Variants in MYOM2 observed in about 807,000 individuals in gnomAD.
MYOM2 encodes the protein myomesin 2, also known as myomesin-2.
MYOM2 carries 254 observed loss-of-function variants against 187.6 expected under a neutral mutation model. The observed-to-expected ratio is 1.35, with a 90% confidence interval of 1.22 to 1.50. The LOEUF (loss-of-function observed/expected upper bound fraction) is 1.50. Among genes scored for constraint, MYOM2 ranks in the 40% most tolerant of loss-of-function variants. MYOM2 has a pLI of 0.00. For missense variants in MYOM2, 2,796 were observed against 1,924.0 expected (o/e 1.45, Z -8.48); for synonymous variants, 981 against 753.8 (o/e 1.30, Z -4.94).
chr8:2,123,137 G>GT, intron 28 of MYOM2, 115 bp from the exon 29 acceptor site: 1 of 656,122 alleles, frequency 1.5e-6, no homozygotes, highest in Non-Finnish European at 2.6e-6. Flanking sequence ...ACTGTCTATA[G>GT]TAAAAACTAA....
chr8:2,120,504 C>T (rs114401536), intron 28 of MYOM2, among the ~76,000 whole-genome samples: 1,961 of 150,184 alleles, frequency 0.013, 40 homozygotes, highest in African/African-American at 0.045. Flanking sequence ...AGGGGATTTG[C>T]AGGAGGATGG....
At chr8:2,073,824 A>T (rs1421030708) in intron 10 of MYOM2, among the ~76,000 whole-genome samples, 1 of 152,208 alleles carries the variant, frequency 6.6e-6, no homozygotes, top group Non-Finnish European at 1.5e-5. Context: ...ATTCTCAGGG[A>T]ACGTAGCCCG....
In MYOM2 at chr8:2,101,168, A is replaced by G. The variant is rs570261914; in HGVS notation, c.2619+114A>G. On this transcript the variant is annotated intron_variant, in intron 20 of 36. Transcript: ENST00000262113. ...CGAAACCAGCCTGGCCAACATGGAGAAGCCCCGTCTCTACTAAAAATACAA... is the reference window on the plus strand; with the variant it reads ...CGAAACCAGCCTGGCCAACATGGAGGAGCCCCGTCTCTACTAAAAATACAA... 12 of 1,032,444 alleles carry G rather than the reference A, an allele frequency of 1.2e-5. No individual in the cohort carries two copies. In the South Asian group the frequency reaches 1.7e-4, roughly 15 times the overall value. The allele number at this position is 1,032,444 out of a possible 1,614,324, so 64.0% of individuals were successfully genotyped here. A position where few individuals can be genotyped will look rare whatever the true frequency, so the allele number is the denominator to read the frequency against.
chr8:2,079,442 G>A, intron 12 of MYOM2, 118 bp from the exon 13 acceptor site: 1 of 931,902 alleles, frequency 1.1e-6, no homozygotes, highest in Non-Finnish European at 1.8e-6. Flanking sequence ...GCCCCCAGAG[G>A]ACTCACAGGT....
chr8:2,131,721 G>A (rs1797877832), intron 32 of MYOM2, among the ~76,000 whole-genome samples: 1 of 145,884 alleles, frequency 6.9e-6, no homozygotes, highest in Admixed American at 7.1e-5. Flanking sequence ...TCGGCTCACT[G>A]CAAGCTCAGC....
In MYOM2 at chr8:2,090,130, C is replaced by A. The variant is rs780649666; in HGVS notation, c.1767C>A (p.Asn589Lys). The change falls in exon 15 of 37, where the codon AAC becomes AAA. Residue 589 changes from asparagine (N) to lysine (K), a missense_variant. Transcript: ENST00000262113. ...ATGTGTTCCGAGTGCTGTCAGCAAA[C>A]CGGCATGGCCTGAGCGAACCTTCGG... ...KSYVFRVLSA[N>K]RHGLSEPSEI... 1 of 1,614,102 alleles carries A rather than the reference C, an allele frequency of 6.2e-7. No homozygotes were observed. The highest frequency in any genetic ancestry group is 8.5e-7 in the Non-Finnish European group (1 of 1,180,016).
chr8:2,061,733 A>G (rs1006176605), intron 6 of MYOM2, among the ~76,000 whole-genome samples: 7 of 152,178 alleles, frequency 4.6e-5, no homozygotes, highest in African/African-American at 1.7e-4. Context: ...AATAATTGAG[A>G]TTGAAATTTG....
At chr8:2,086,360 T>A (rs1202406594) in intron 14 of MYOM2, among the ~76,000 whole-genome samples, 400 of 2,696 alleles carry the variant, frequency 0.15, 44 homozygotes, top group Non-Finnish European at 0.2. Context: ...CTGCGTGGCC[T>A]CCCACTGTTG....
chr8:2,123,187 T>C (rs1378335921), intron 28 of MYOM2, 65 bp from the exon 29 acceptor site: 1 of 1,102,738 alleles, frequency 9.1e-7, no homozygotes, highest in African/African-American at 1.6e-5. Flanking sequence ...AAGATTCTAA[T>C]AGACTTTCTT....
chr8:2,115,991 G>A lies in MYOM2; in HGVS notation c.3212G>A (p.Gly1071Asp), dbSNP rs1318945171. Reference protein sequence around the residue: ...IHRIKCDKATGIIEMVMDRFS... With the variant: ...IHRIKCDKATDIIEMVMDRFS... The stretch of plus-strand genomic sequence containing the variant: ...AGAATTAAATGTGACAAAGCTACTG[G>A]CATTATTGAGATGGTGATGGATCGA... The change falls in exon 26 of 37, where the codon GGC becomes GAC. Residue 1071 changes from glycine (G) to aspartate (D), a missense_variant. Physicochemically the swap from Gly to Asp is moderately conservative, Grantham distance 94. Transcript: ENST00000262113. The A allele has an allele frequency of 1.9e-6, 3 of 1,613,882 alleles. No individual in the cohort carries two copies. The highest frequency in any genetic ancestry group is 2.2e-5 in the East Asian group (1 of 44,872).
chr8:2,127,635 GAC>G (rs1797698105), intron 31 of MYOM2: 2 of 158,152 alleles, frequency 1.3e-5, no homozygotes, highest in Admixed American at 6.6e-5. Flanking sequence ...GTGACGCGGT[GAC>G]GCAGCCGCAG....
chr8:2,103,444 G>C (rs1796783974), intron 21 of MYOM2, among the ~76,000 whole-genome samples: 1 of 150,014 alleles, frequency 6.7e-6, no homozygotes, highest in Admixed American at 6.6e-5. Context: ...TAAATGAGTG[G>C]GAGAGTGTGC....
intron 20 of MYOM2, among the ~76,000 whole-genome samples, chr8:2,101,316 G>A (rs1458990163): frequency 3.3e-5 from 5 of 152,228 alleles, no homozygotes; most frequent in South Asian, 2.1e-4. Flanking sequence ...CTGAGTCACC[G>A]CACTCCAGCC....
rs769840175 is a variant in MYOM2 at position 2,117,886 on chromosome 8, C to T, written c.3387C>T (p.Gly1129=). Residue 1129 remains glycine (G), a splice_region_variant and synonymous_variant, in exon 28 of 37, where the codon GGC becomes GGT. Coordinates refer to ENST00000262113, the MANE Select transcript of MYOM2 (RefSeq NM_003970.4). ...FQRKEFLRKQ[G]PHFAEYLHWD... ...TTTCTTCCCTTTTTTCCTCCCTAGG[C>T]CCTCATTTTGCTGAGTACTTGCACT... The T allele has an allele frequency of 1.2e-6, 2 of 1,610,834 alleles. No homozygotes were observed. Among genetic ancestry groups the T allele is most frequent in the South Asian group, 2.2e-5 (2 of 90,408 alleles).
Position 2,086,334 on chromosome 8 carries a change from C to A in MYOM2, c.1644+944C>A, listed in dbSNP as rs1474527995. ...CACAGTCGTGATCTCTGCGTGGCCCCCCACTGTTGTGATCTCTGCGTGGCC... is the reference window on the plus strand; with the variant it reads ...CACAGTCGTGATCTCTGCGTGGCCCACCACTGTTGTGATCTCTGCGTGGCC... On this transcript the variant is annotated intron_variant, in intron 14 of 36. Coordinates refer to ENST00000262113, the MANE Select transcript of MYOM2 (RefSeq NM_003970.4). Among the ~76,000 whole-genome samples, 19 of 102,530 alleles carry A rather than the reference C, an allele frequency of 1.9e-4. 1 individual carries two copies. The highest frequency in any genetic ancestry group is 6.6e-4 in the African/African-American group (16 of 24,114). The allele number at this position is 102,530 out of a possible 152,430, so 67.3% of individuals were successfully genotyped here.
At chr8:2,143,497 G>A in intron 36 of MYOM2, 41 bp downstream of exon 36, 4 of 1,611,652 alleles carry the variant, frequency 2.5e-6, no homozygotes, top group East Asian at 2.2e-5. Flanking sequence ...GTGTCAGCAC[G>A]GTGCGATGGA....
chr8:2,134,702 T>C (rs1356455671), intron 32 of MYOM2, among the ~76,000 whole-genome samples: 3 of 152,220 alleles, frequency 2.0e-5, no homozygotes, highest in Admixed American at 1.3e-4. Context: ...TTCTGTGAGC[T>C]GTTACTTTGC....
intron 31 of MYOM2, among the ~76,000 whole-genome samples, chr8:2,124,883 C>T (rs543798617): frequency 6.6e-6 from 1 of 152,190 alleles, no homozygotes; most frequent in East Asian, 1.9e-4. Context: ...GGCCATTTTT[C>T]TGTCTTCTTT....
chr8:2,064,159 C>A (rs994020046), intron 6 of MYOM2, among the ~76,000 whole-genome samples: 2 of 152,210 alleles, frequency 1.3e-5, no homozygotes, highest in African/African-American at 4.8e-5. Flanking sequence ...TCTGCTCCGT[C>A]GTCTGCCCAG....
Sources: gnomAD v4.1 joint callset for allele counts (sites outside exome capture counted in the v4.1 genomes callset) on GRCh38, gnomAD v4.1.1 for gene constraint, MANE v1.5 for transcripts, NCBI Gene and HGNC (gene_info 2026-07-23, HGNC 2026-07-21) for gene names.